Variants in UVSSA observed in about 807,000 individuals in gnomAD.
UVSSA encodes UV stimulated scaffold protein A.
UVSSA carries 72 observed loss-of-function variants against 73.9 expected under a neutral mutation model. The ratio of observed to expected loss-of-function variants is 0.97; its 90% CI spans 0.81 to 1.19. The LOEUF (loss-of-function observed/expected upper bound fraction) is 1.19, where lower values mean the gene tolerates loss of function less well. Among genes scored for constraint, UVSSA ranks in the 50% most tolerant of loss-of-function variants. The probability of loss-of-function intolerance (pLI) is 0.00; values close to 1 mark genes in which losing one functional copy is unlikely to be tolerated. For synonymous variants in UVSSA, 454 were observed against 391.3 expected, an observed-to-expected ratio of 1.16 and a Z score of -1.89; for missense variants, 1,150 against 965.0, an observed-to-expected ratio of 1.19 and a Z score of -2.54.
chr4:1,387,178 A>T lies in UVSSA; in HGVS notation c.*1217A>T, dbSNP rs1720191927. Reference sequence around the variant, plus strand: ...CTGCAACTACCACCTCCTGGGTTCAAGCGATTCGCCTGCGTCAGCGTCCTG... The same window carrying T: ...CTGCAACTACCACCTCCTGGGTTCATGCGATTCGCCTGCGTCAGCGTCCTG... On this transcript the variant is annotated 3_prime_UTR_variant, in exon 14 of 14. Transcript: ENST00000389851. 6.6e-6 allele frequency: 1 copy of T among 152,138 alleles called. No individual in the cohort carries two copies. Among genetic ancestry groups the T allele is most frequent in the South Asian group, 2.1e-4 (1 of 4,832 alleles). The allele number at this position is 152,138 out of a possible 1,614,324, so 9.4% of individuals were successfully genotyped here. A position where few individuals can be genotyped will look rare whatever the true frequency, so the allele number is the denominator to read the frequency against.
chr4:1,385,866 A>AG lies in UVSSA; in HGVS notation c.2038dup. 6.2e-7 allele frequency: 1 copy of AG among 1,614,006 alleles called. No individual in the cohort carries two copies. Among genetic ancestry groups the AG allele is most frequent in the Non-Finnish European group, 8.5e-7 (1 of 1,179,988 alleles). Reference sequence around the variant, plus strand: ...GTCACATCTTGCCTTGTTTCCCCACAGGGCAGCTGTGCGGAGGGTAGTGGC... The same window carrying AG: ...GTCACATCTTGCCTTGTTTCCCCACAGGGGCAGCTGTGCGGAGGGTAGTGGC... On this transcript the variant is annotated splice_acceptor_variant, in intron 13 of 13. Coordinates refer to ENST00000389851, the MANE Select transcript of UVSSA (RefSeq NM_020894.4). LOFTEE classifies it high-confidence loss of function.
intron 10 of UVSSA, among the ~76,000 whole-genome samples, chr4:1,376,516 C>T (rs1193696859): frequency 6.6e-6 from 1 of 152,210 alleles, no homozygotes; most frequent in East Asian, 1.9e-4. Context: ...GCACGGTTGG[C>T]TGAGGCCTGG....
Position 1,354,831 on chromosome 4 carries a change from T to C in UVSSA, c.1031T>C (p.Val344Ala). The C allele has an allele frequency of 6.2e-7, 1 of 1,606,842 alleles. No individual in the cohort carries two copies. The highest frequency in any genetic ancestry group is 8.5e-7 in the Non-Finnish European group (1 of 1,176,070). ...ATCCGGAACAAGTTCCTGCCGGCTG[T>C]GTGCTCGTGGATCCAGGTGAGCCTC... ...KLIRNKFLPA[V>A]CSWIQRFTRV... is the part of the protein sequence containing the mutation. The change falls in exon 6 of 14, where the codon GTG becomes GCG. Residue 344 changes from valine to alanine, a missense_variant. By Grantham distance (64) the Val-to-Ala change is moderately conservative (BLOSUM62 0). Coordinates refer to ENST00000389851, the MANE Select transcript of UVSSA (RefSeq NM_020894.4).
intron 10 of UVSSA, among the ~76,000 whole-genome samples, chr4:1,379,732 G>T (rs926151890): frequency 1.5e-4 from 22 of 151,582 alleles, no homozygotes; most frequent in Non-Finnish European, 2.9e-4. Flanking sequence ...GGTGGCAGTC[G>T]TGCCCGTGGT....
At chr4:1,361,037 G>C (rs1716550678) in intron 7 of UVSSA, among the ~76,000 whole-genome samples, 1 of 152,232 alleles carries the variant, frequency 6.6e-6, no homozygotes, top group Non-Finnish European at 1.5e-5. Context: ...CATCTGGAGA[G>C]CAACACAGAC....
At chr4:1,394,725 G>C in exon 14 of UVSSA, 1 of 1,601,942 alleles carries the variant, frequency 6.2e-7, no homozygotes, top group Admixed American at 1.7e-5. Context: ...ACGTGTCCAT[G>C]TGGAGTGCCC....
Position 1,354,826 on chromosome 4 carries a change from G to C in UVSSA, c.1026G>C (p.Pro342=). The change falls in exon 6 of 14, where the codon CCG becomes CCC. Residue 342 remains proline (P), a synonymous_variant. Coordinates refer to ENST00000389851, the MANE Select transcript of UVSSA (RefSeq NM_020894.4). ...TLKLIRNKFL[P]AVCSWIQRFT... is the part of the protein sequence containing the mutation. The stretch of plus-strand genomic sequence containing the variant: ...AGCTCATCCGGAACAAGTTCCTGCC[G>C]GCTGTGTGCTCGTGGATCCAGGTGA... The C allele has an allele frequency of 6.2e-7, 1 of 1,612,698 alleles. No homozygotes were observed. Among genetic ancestry groups the C allele is most frequent in the South Asian group, 1.1e-5 (1 of 90,904 alleles).
At chr4:1,385,061 CTT>C (rs1386357841) in intron 13 of UVSSA, 3 of 152,352 alleles carry the variant, frequency 2.0e-5, no homozygotes, top group Non-Finnish European at 4.4e-5. Context: ...AGAGGCCAGC[CTT>C]GGTGCTGATG....
intron 8 of UVSSA, among the ~76,000 whole-genome samples, chr4:1,367,772 C>A (rs941338855): frequency 1.3e-5 from 2 of 152,196 alleles, no homozygotes. Flanking sequence ...CTCTCCCCAC[C>A]ACCGACCTCA....
rs757786613 is a variant in UVSSA at position 1,385,928 on chromosome 4, G to A, written c.2097G>A (p.Lys699=). Residue 699 remains lysine (K), a synonymous_variant, in exon 14 of 14, where the codon AAG becomes AAA. Transcript: ENST00000389851. Reference sequence around the variant, plus strand: ...GGATGGACCAGAAGAAGCACGAGAAGTTTTCAAACCAGTTTAACTACGCAC... The same window carrying A: ...GGATGGACCAGAAGAAGCACGAGAAATTTTCAAACCAGTTTAACTACGCAC... ...MNRMDQKKHE[K]FSNQFNYALN 4 of 1,614,096 alleles carry A rather than the reference G, an allele frequency of 2.5e-6. No homozygotes were observed. Among genetic ancestry groups the A allele is most frequent in the Non-Finnish European group, 3.4e-6 (4 of 1,180,036 alleles).
chr4:1,392,020 A>G (rs1720424561), downstream of UVSSA: 1 of 152,002 alleles, frequency 6.6e-6, no homozygotes, highest in African/African-American at 2.4e-5. Flanking sequence ...TTTCTCCATT[A>G]CTTTTTTGTG....
At chr4:1,395,481 A>C in exon 14 of UVSSA, 1 of 1,562,062 alleles carries the variant, frequency 6.4e-7, no homozygotes, top group Non-Finnish European at 8.7e-7. Context: ...GCCTGCTCAC[A>C]CGTGCCATTG....
chr4:1,344,118 T>G (rs1212152738), upstream of UVSSA, among the ~76,000 whole-genome samples: 4 of 152,224 alleles, frequency 2.6e-5, no homozygotes, highest in African/African-American at 9.6e-5. Flanking sequence ...ACGCCTTGTT[T>G]AATCTGACTG....
chr4:1,394,301 T>C (rs1720470016), exon 14 of UVSSA: 1 of 915,276 alleles, frequency 1.1e-6, no homozygotes, highest in Non-Finnish European at 1.6e-6. Context: ...TATCAATCTT[T>C]CTTGGCTTCT....
At chr4:1,343,594 C>G (rs1017900854), upstream of UVSSA, among the ~76,000 whole-genome samples, 1 of 152,294 alleles carries the variant, frequency 6.6e-6, no homozygotes, top group South Asian at 2.1e-4. Flanking sequence ...CGAGACCAGC[C>G]TGACCAACAT....
intron 8 of UVSSA, among the ~76,000 whole-genome samples, chr4:1,371,428 C>T (rs913402598): frequency 7.9e-5 from 12 of 152,232 alleles, no homozygotes; most frequent in Admixed American, 5.9e-4. Context: ...CCCCTGTTGA[C>T]TTAGTACTTG....
chr4:1,394,632 G>C, exon 14 of UVSSA: 1 of 1,477,626 alleles, frequency 6.8e-7, no homozygotes, highest in Non-Finnish European at 9.1e-7. Context: ...ATGTCGATGC[G>C]GAGTGCCCGC....
At chr4:1,342,475 G>A (rs1054721585), upstream of UVSSA, among the ~76,000 whole-genome samples, 5 of 152,080 alleles carry the variant, frequency 3.3e-5, no homozygotes, top group Non-Finnish European at 7.4e-5. Context: ...ATACTTTATT[G>A]ACTGTCATTT....
At chr4:1,375,884 G>A (rs1305581292) in intron 9 of UVSSA, 150 bp from the exon 10 acceptor site, 3 of 1,241,404 alleles carry the variant, frequency 2.4e-6, no homozygotes, top group Non-Finnish European at 2.2e-6. Flanking sequence ...CTCAGCGGTG[G>A]CCCTGAGGCC....
Sources: gnomAD v4.1 joint callset for allele counts (sites outside exome capture counted in the v4.1 genomes callset) on GRCh38, gnomAD v4.1.1 for gene constraint, MANE v1.5 for transcripts, NCBI Gene and HGNC (gene_info 2026-07-23, HGNC 2026-07-21) for gene names.